The following PCSK5 variants were observed in gnomAD, a reference collection of about 807,000 sequenced individuals.
PCSK5 encodes prohormone convertase 5.
PCSK5 carries 129 observed loss-of-function variants against 233.2 expected under a neutral mutation model. The ratio of observed to expected loss-of-function variants is 0.55; its 90% CI spans 0.48 to 0.64. PCSK5 has a LOEUF of 0.64. Ranked by LOEUF, PCSK5 falls within the 30% of genes least tolerant of loss-of-function variation. The probability of loss-of-function intolerance (pLI) is 0.00; values close to 1 mark genes in which losing one functional copy is unlikely to be tolerated. For missense variants in PCSK5, 2,076 were observed against 2,430.1 expected, an observed-to-expected ratio of 0.85 and a Z score of 3.06; for synonymous variants, 825 against 879.2, an observed-to-expected ratio of 0.94 and a Z score of 1.09.
chr9:76,129,358 ATTTTTCCCAT>A (rs1182703705), intron 9 of PCSK5, among the ~76,000 whole-genome samples: 3 of 152,056 alleles, frequency 2.0e-5, no homozygotes, highest in Non-Finnish European at 2.9e-5. Flanking sequence ...TGATCATGCT[ATTTTTCCCAT>A]TGATCTGGGC....
rs532263804 is a variant in PCSK5 at position 76,036,915 on chromosome 9, T to C, written c.632+9878T>C. On this transcript the variant is annotated intron_variant, in intron 5 of 37. Transcript: ENST00000674117. ...AGAATCACCAGAATTTACAGCATTG[T>C]GTTCAGTAAACACTTAATAACTTGG... is the stretch of plus-strand genomic sequence containing the variant. Among the ~76,000 whole-genome samples, 224 of 152,346 alleles carry C rather than the reference T, an allele frequency of 1.5e-3. 1 individual carries two copies. Among genetic ancestry groups the C allele is most frequent in the Middle Eastern group, 6.8e-3 (2 of 294 alleles).
Position 76,336,789 on chromosome 9 carries a change from A to G in PCSK5, c.4749-1441A>G, listed in dbSNP as rs79328828. On this transcript the variant is annotated intron_variant, in intron 34 of 37. Transcript: ENST00000674117. Reference sequence around the variant, plus strand: ...AATTGTAGGTACTAACATTAGTCCCATCTTATAGATGAGAAACCTGAGGCA... The same window carrying G: ...AATTGTAGGTACTAACATTAGTCCCGTCTTATAGATGAGAAACCTGAGGCA... Among the ~76,000 whole-genome samples the G allele has an allele frequency of 4.2e-4, 64 of 152,296 alleles. 1 individual carries two copies. The highest frequency in any genetic ancestry group is 1.4e-3 in the African/African-American group (60 of 41,560).
At chr9:75,977,871 A>T (rs1826097166) in intron 2 of PCSK5, among the ~76,000 whole-genome samples, 2 of 152,086 alleles carry the variant, frequency 1.3e-5, no homozygotes, top group South Asian at 4.2e-4. Context: ...TCAGCCTCCC[A>T]AAGTGCCGGG....
rs1830366709 is a variant in PCSK5 at position 76,358,739 on chromosome 9, C to T, written c.5481C>T (p.Thr1827=). 1 of 1,612,882 alleles carries T rather than the reference C, an allele frequency of 6.2e-7. No individual in the cohort carries two copies. The highest frequency in any genetic ancestry group is 8.5e-7 in the Non-Finnish European group (1 of 1,179,884). Residue 1827 remains threonine, a synonymous_variant, in exon 38 of 38, where the codon ACC becomes ACT. Coordinates refer to ENST00000674117, the MANE Select transcript of PCSK5 (RefSeq NM_001372043.1). ...SSYKSSYRES[T]SFEEDQVIEY... Reference sequence around the variant, plus strand: ...ATAAGAGCAGCTATAGAGAGAGCACCAGCTTTGAAGAGGATCAGGTGATTG... The same window carrying T: ...ATAAGAGCAGCTATAGAGAGAGCACTAGCTTTGAAGAGGATCAGGTGATTG...
chr9:75,960,848 C>T (rs1401115875), intron 2 of PCSK5, among the ~76,000 whole-genome samples: 2 of 152,170 alleles, frequency 1.3e-5, no homozygotes, highest in Non-Finnish European at 2.9e-5. Context: ...GACACCAGGG[C>T]AACAGGCTTG....
At chr9:76,259,843 G>A (rs768931599) in intron 24 of PCSK5, among the ~76,000 whole-genome samples, 4 of 151,976 alleles carry the variant, frequency 2.6e-5, no homozygotes, top group East Asian at 1.9e-4. Context: ...CAGGTGAGTC[G>A]TTTCAACCCA....
intron 5 of PCSK5, among the ~76,000 whole-genome samples, chr9:76,064,549 G>T (rs1451878919): frequency 3.5e-4 from 52 of 150,508 alleles, no homozygotes; most frequent in African/African-American, 1.2e-3. Flanking sequence ...TGGCTGCCGG[G>T]CGGAGACGCT....
chr9:76,251,841 C>G, intron 24 of PCSK5, among the ~76,000 whole-genome samples: 1 of 151,996 alleles, frequency 6.6e-6, no homozygotes, highest in Non-Finnish European at 1.5e-5. Flanking sequence ...AGGCTGGTAA[C>G]TAGTAGAATC....
At chr9:76,186,123 ATAT>A (rs1239824387) in intron 17 of PCSK5, among the ~76,000 whole-genome samples, 5 of 152,286 alleles carry the variant, frequency 3.3e-5, no homozygotes, top group South Asian at 2.1e-4. Context: ...TATATCTAAA[ATAT>A]TATCATTTCA....
At chr9:76,263,105 A>G (rs1827230413) in intron 24 of PCSK5, among the ~76,000 whole-genome samples, 1 of 151,812 alleles carries the variant, frequency 6.6e-6, no homozygotes, top group South Asian at 2.1e-4. Flanking sequence ...TTAGAATGGC[A>G]ATCATTAAAA....
chr9:76,252,238 C>G (rs932582656), intron 24 of PCSK5, among the ~76,000 whole-genome samples: 1 of 152,042 alleles, frequency 6.6e-6, no homozygotes, highest in African/African-American at 2.4e-5. Context: ...CCCCTGCACT[C>G]CAGCCTGTGT....
At chr9:76,189,602 G>A (rs1824267915) in intron 19 of PCSK5, 29 bp from the exon 20 acceptor site, 1 of 1,390,090 alleles carries the variant, frequency 7.2e-7, no homozygotes, top group East Asian at 2.3e-5. Context: ...TGTGTGAATG[G>A]ATTAAAAAAT....
intron 24 of PCSK5, among the ~76,000 whole-genome samples, chr9:76,276,344 A>G (rs1271569711): frequency 1.3e-5 from 2 of 152,212 alleles, no homozygotes; most frequent in African/African-American, 2.4e-5. Context: ...CACACAGTAG[A>G]CACAGTCATC....
chr9:76,294,821 C>T (rs913614662), intron 25 of PCSK5, among the ~76,000 whole-genome samples: 1 of 152,088 alleles, frequency 6.6e-6, no homozygotes, highest in Admixed American at 6.6e-5. Context: ...GGGTGCATAA[C>T]AGACCAAGCC....
At chr9:76,174,914 A>C in intron 13 of PCSK5, 72 bp from the exon 14 acceptor site, 1 of 1,385,470 alleles carries the variant, frequency 7.2e-7, no homozygotes, top group Non-Finnish European at 9.9e-7. Flanking sequence ...TTGAGTGAGA[A>C]GGACTTAAAG....
In PCSK5 at chr9:76,189,895, T is replaced by C. The variant is rs939966306; in HGVS notation, c.2626+149T>C. 12 of 555,444 alleles carry C rather than the reference T, an allele frequency of 2.2e-5. No individual in the cohort carries two copies. In the African/African-American group the frequency reaches 2.3e-4, roughly 11 times the overall value. 34.4% of individuals were successfully genotyped at this position (555,444 alleles called of 1,614,324 possible). On this transcript the variant is annotated intron_variant, in intron 20 of 37. Coordinates refer to ENST00000674117, the MANE Select transcript of PCSK5 (RefSeq NM_001372043.1). ...TTGGTGGCATTCATTCATCTTGAAC[T>C]TATGCCCTTAATGGATTTGTTTGAA... is the stretch of plus-strand genomic sequence containing the variant.
intron 5 of PCSK5, among the ~76,000 whole-genome samples, chr9:76,046,902 ACTT>A (rs1414420547): frequency 1.3e-5 from 2 of 152,024 alleles, no homozygotes; most frequent in African/African-American, 4.8e-5. Context: ...CTGTGAACAC[ACTT>A]CTTCTCTTGG....
chr9:76,007,731 A>AT (rs949704523), intron 3 of PCSK5, among the ~76,000 whole-genome samples: 1 of 147,664 alleles, frequency 6.8e-6, no homozygotes, highest in Non-Finnish European at 1.5e-5. Context: ...GGTTCAAGTG[A>AT]TTCTCCCACC....
intron 18 of PCSK5, 29 bp downstream of exon 18, chr9:76,188,704 TC>T: frequency 6.5e-7 from 1 of 1,545,784 alleles, no homozygotes; most frequent in Non-Finnish European, 8.9e-7. Flanking sequence ...TTGTTTATTC[TC>T]CCGGTTCTGG....
Sources: gnomAD v4.1 joint callset for allele counts (sites outside exome capture counted in the v4.1 genomes callset) on GRCh38, gnomAD v4.1.1 for gene constraint, MANE v1.5 for transcripts, NCBI Gene and HGNC (gene_info 2026-07-23, HGNC 2026-07-21) for gene names.